Variants in STAG1 observed in about 807,000 individuals in gnomAD.
STAG1 encodes STAG1 cohesin complex component, also known as cohesin subunit SA-1.
STAG1 carries 26 observed loss-of-function variants against 170.9 expected under a neutral mutation model. The ratio of observed to expected loss-of-function variants is 0.15; its 90% CI spans 0.11 to 0.21. STAG1 has a LOEUF of 0.21. Ranked by LOEUF, STAG1 falls within the 10% of genes least tolerant of loss-of-function variation. STAG1 has a pLI of 1.00. For synonymous variants in STAG1, 514 were observed against 497.7 expected (o/e 1.03, Z -0.44); for missense variants, 964 against 1,509.5 (o/e 0.64, Z 5.99).
At chr3:136,558,515 G>C (rs1004876788) in intron 5 of STAG1, among the ~76,000 whole-genome samples, 43 of 152,226 alleles carry the variant, frequency 2.8e-4, no homozygotes, top group African/African-American at 9.4e-4. Context: ...TAACTGTTAT[G>C]TGAAAAAGTA....
chr3:136,372,008 T>A (rs1937366408), intron 23 of STAG1, among the ~76,000 whole-genome samples: 2 of 152,370 alleles, frequency 1.3e-5, no homozygotes, highest in African/African-American at 4.8e-5. Flanking sequence ...TTCTTCCACT[T>A]GTTTGTATCC....
intron 1 of STAG1, among the ~76,000 whole-genome samples, chr3:136,741,909 C>T (rs1178493442): frequency 6.6e-6 from 1 of 152,122 alleles, no homozygotes; most frequent in Non-Finnish European, 1.5e-5. Context: ...GCTATATTAA[C>T]ATCAAATAAA....
At chr3:136,538,917 G>A (rs1287110990) in intron 6 of STAG1, among the ~76,000 whole-genome samples, 5 of 152,026 alleles carry the variant, frequency 3.3e-5, no homozygotes, top group East Asian at 1.9e-4. Flanking sequence ...GGTGGATCAC[G>A]AGGTCAGGAG....
chr3:136,713,752 G>A (rs540913666), intron 1 of STAG1, among the ~76,000 whole-genome samples: 1 of 152,154 alleles, frequency 6.6e-6, no homozygotes, highest in African/African-American at 2.4e-5. Context: ...GCTGGGCGCT[G>A]TGGCTCAAGC....
At chr3:136,597,310 A>C (rs911551176) in intron 4 of STAG1, among the ~76,000 whole-genome samples, 1 of 152,170 alleles carries the variant, frequency 6.6e-6, no homozygotes, top group Non-Finnish European at 1.5e-5. Flanking sequence ...GAAAGAAGGG[A>C]AAAAGTGGTT....
At chr3:136,475,138 C>T (rs1341221534) in intron 10 of STAG1, among the ~76,000 whole-genome samples, 28 of 76,030 alleles carry the variant, frequency 3.7e-4, no homozygotes, top group South Asian at 6.3e-4. Flanking sequence ...TTATAGGTTC[C>T]TTTTTTTTTT....
At chr3:136,674,436 G>A (rs111561104) in intron 1 of STAG1, among the ~76,000 whole-genome samples, 177 of 152,278 alleles carry the variant, frequency 1.2e-3, no homozygotes, top group African/African-American at 2.5e-3. Context: ...GTGAAATTCT[G>A]TAGAAAAATT....
Position 136,473,594 on chromosome 3 carries a change from A to T in STAG1, c.1070T>A (p.Leu357Gln), listed in dbSNP as rs1021785978. 6.2e-7 allele frequency: 1 copy of T among 1,612,716 alleles called. No individual in the cohort carries two copies. The highest frequency in any genetic ancestry group is 1.3e-5 in the African/African-American group (1 of 74,964). Residue 357 changes from leucine to glutamine, a missense_variant, in exon 11 of 34, where the codon CTA (leucine) becomes CAA (glutamine). By Grantham distance (113) the Leu-to-Gln change is moderately radical. Coordinates refer to ENST00000383202, the MANE Select transcript of STAG1 (RefSeq NM_005862.3). ...RLKCLKALQS[L>Q]YTNRELFPKL... ...GGGGAATAATTCTCTATTGGTATATAGACTCTGCAGAGCTTTCAAACACTT... is the reference window on the plus strand; with the variant it reads ...GGGGAATAATTCTCTATTGGTATATTGACTCTGCAGAGCTTTCAAACACTT...
At chr3:136,713,106 A>G (rs928981663) in intron 1 of STAG1, among the ~76,000 whole-genome samples, 2 of 152,148 alleles carry the variant, frequency 1.3e-5, no homozygotes, top group South Asian at 2.1e-4. Flanking sequence ...ACAAAACCAC[A>G]AGAGTGTTCT....
intron 21 of STAG1, among the ~76,000 whole-genome samples, chr3:136,415,312 T>TA (rs772520137): frequency 0.015 from 1,059 of 68,712 alleles, 12 homozygotes; most frequent in African/African-American, 0.048. Flanking sequence ...TTGGTTATTA[T>TA]AAAAAAAAAA....
intron 30 of STAG1, among the ~76,000 whole-genome samples, chr3:136,342,325 T>TC (rs199970145): frequency 3.3e-5 from 5 of 150,014 alleles, no homozygotes; most frequent in African/African-American, 9.8e-5. Flanking sequence ...AGCCAGGAAT[T>TC]TTTTTTTTTT....
At chr3:136,555,401 C>T (rs1025418061) in intron 5 of STAG1, among the ~76,000 whole-genome samples, 13 of 151,608 alleles carry the variant, frequency 8.6e-5, no homozygotes, top group South Asian at 4.2e-4. Context: ...AAGTGAATCA[C>T]GACTGGGCAC....
At chr3:136,428,429 C>T (rs2088197199) in intron 16 of STAG1, among the ~76,000 whole-genome samples, 1 of 152,020 alleles carries the variant, frequency 6.6e-6, no homozygotes, top group South Asian at 2.1e-4. Flanking sequence ...CGGACAATGC[C>T]CCTGACCAAC....
rs544545183 is a variant in STAG1 at position 136,353,571 on chromosome 3, G to A, written c.3065+4149C>T. On this transcript the variant is annotated intron_variant, in intron 28 of 33. Transcript: ENST00000383202. ...AAGGTAGTGGGATCACATGGTCAAA[G>A]TGTTGAAAGTAAAAAACTATCAAAC... Among the ~76,000 whole-genome samples, 40 of 152,332 alleles carry A rather than the reference G, an allele frequency of 2.6e-4. No homozygotes were observed. In the Middle Eastern group the frequency reaches 0.01, roughly 39 times the overall value.
At position 136,510,451 on chromosome 3, in the gene STAG1, G is replaced by A. The variant is rs193197437; in HGVS notation, c.677-7672C>T. 1.5e-4 allele frequency among the ~76,000 whole-genome samples: 23 copies of A among 151,494 alleles called. No individual in the cohort carries two copies. In the East Asian group the frequency reaches 2.2e-3, roughly 14 times the overall value. On this transcript the variant is annotated intron_variant, in intron 7 of 33. Coordinates refer to ENST00000383202, the MANE Select transcript of STAG1 (RefSeq NM_005862.3). The stretch of plus-strand genomic sequence containing the variant: ...ATTGCAGGCGCCCACCACCAGCCCA[G>A]CTAATTTTTGTATTTTTAGTAGAGA...
intron 21 of STAG1, among the ~76,000 whole-genome samples, chr3:136,400,892 T>C (rs1191711311): frequency 6.6e-6 from 1 of 152,236 alleles, no homozygotes; most frequent in Non-Finnish European, 1.5e-5. Context: ...TTTTACATTT[T>C]TGCAAATCTC....
At chr3:136,571,230 C>T (rs897418862) in intron 4 of STAG1, among the ~76,000 whole-genome samples, 2 of 149,452 alleles carry the variant, frequency 1.3e-5, no homozygotes, top group Non-Finnish European at 2.9e-5. Context: ...ATATGAAGAG[C>T]TCAAAACATT....
At chr3:136,703,003 G>C (rs1374136147) in intron 1 of STAG1, among the ~76,000 whole-genome samples, 1 of 149,618 alleles carries the variant, frequency 6.7e-6, no homozygotes, top group Non-Finnish European at 1.5e-5. Context: ...GGGAGGCACA[G>C]GTTGCAGTGA....
chr3:136,455,814 T>C (rs951540223), intron 13 of STAG1, among the ~76,000 whole-genome samples: 6 of 152,232 alleles, frequency 3.9e-5, no homozygotes, highest in Non-Finnish European at 8.8e-5. Flanking sequence ...TAAGTTGCAG[T>C]ACCCACTTAA....
Sources: allele counts gnomAD v4.1 joint callset (sites outside exome capture counted in the v4.1 genomes callset), GRCh38; gene constraint gnomAD v4.1.1; transcripts MANE v1.5; gene names NCBI Gene and HGNC (gene_info 2026-07-23, HGNC 2026-07-21).